Variants in ACY1 observed in about 807,000 individuals in gnomAD.
ACY1 encodes the protein aminoacylase-1.
Under a neutral mutation model 53.3 loss-of-function variants are expected in ACY1, and 38 were observed. That is an observed-to-expected ratio of 0.71 (90% CI 0.55 to 0.93). The LOEUF (loss-of-function observed/expected upper bound fraction) is 0.93, where lower values mean the gene tolerates loss of function less well. Among genes scored for constraint, ACY1 ranks in the 40% least tolerant of loss-of-function variants. The pLI is 0.00. For missense variants in ACY1, 484 were observed against 540.9 expected (o/e 0.89, Z 1.04); for synonymous variants, 177 against 202.1 (o/e 0.88, Z 1.05).
chr3:51,986,035 A>C, intron 5 of ACY1, 89 bp downstream of exon 5: 2 of 1,317,782 alleles, frequency 1.5e-6, no homozygotes, highest in East Asian at 2.5e-5. Context: ...GGAGAAACTC[A>C]AGGCCAAGGA....
chr3:51,983,913 C>T lies in ACY1; in HGVS notation c.-18-134C>T. The T allele has an allele frequency of 4.2e-6, 3 of 708,528 alleles. No homozygotes were observed. The East Asian group carries it at 8.1e-5, about 19-fold the overall frequency. 43.9% of individuals were successfully genotyped at this position (708,528 alleles called of 1,614,324 possible). On this transcript the variant is annotated intron_variant, in intron 1 of 14. Transcript: ENST00000636358. ...AGCGCCTGAAACAGAATGGGTGCTC[C>T]TTAATGGGGGCTCCGAAACACGGTA...
chr3:51,984,840 GAA>G (rs1221979628), intron 2 of ACY1: 4 of 211,986 alleles, frequency 1.9e-5, no homozygotes, highest in South Asian at 1.8e-4. Context: ...AAAAGGAAAA[GAA>G]AAAAAAAAAA....
chr3:51,984,236 T>A, intron 2 of ACY1, 78 bp downstream of exon 2: 2 of 1,367,102 alleles, frequency 1.5e-6, no homozygotes, highest in Non-Finnish European at 2.1e-6. Context: ...CTCCAACCCC[T>A]GTCACCCAGC....
intron 2 of ACY1, chr3:51,984,652 A>G (rs780928230): frequency 1.9e-5 from 5 of 264,802 alleles, no homozygotes; most frequent in African/African-American, 4.5e-5. Context: ...CTGTCTCTAC[A>G]GAAAAAATAC....
Position 51,987,428 on chromosome 3 carries a change from G to A in ACY1, c.827G>A (p.Arg276His), listed in dbSNP as rs753158294. 1.4e-5 allele frequency: 22 copies of A among 1,614,036 alleles called. No individual in the cohort carries two copies. The highest frequency in any genetic ancestry group is 1.6e-4 in the Middle Eastern group (1 of 6,084). ...PATMSASFDF[R>H]VAPDVDFKAF... ...ACCATGAGCGCCAGCTTTGACTTCC[G>A]TGTGGCACCGGATGTGGACTTCAAG... is the stretch of plus-strand genomic sequence containing the variant. The change falls in exon 11 of 15, where the codon CGT becomes CAT. Residue 276 changes from arginine (R) to histidine (H), a missense_variant. Physicochemically the swap from Arg to His is conservative, Grantham distance 29 (BLOSUM62 0). Transcript: ENST00000636358.
chr3:51,984,293 A>G, intron 2 of ACY1, 135 bp downstream of exon 2: 2 of 783,218 alleles, frequency 2.6e-6, no homozygotes, highest in Admixed American at 2.0e-5. Context: ...CCCTCCAGCC[A>G]TTCCCCAAGT....
In ACY1 at chr3:51,985,910, C is replaced by T. The variant is rs1336814922; in HGVS notation, c.323C>T (p.Ala108Val). ...AAGGATTCTGAGGGCTACATCTATG[C>T]CAGGGGTGCCCAGGACATGAAGTGC... Reference protein sequence around the residue: ...AFKDSEGYIYARGAQDMKCVS... With the variant: ...AFKDSEGYIYVRGAQDMKCVS... The change falls in exon 5 of 15, where the codon GCC (alanine) becomes GTC (valine). Residue 108 changes from alanine to valine, a missense_variant. By Grantham distance (64) the Ala-to-Val change is moderately conservative. Coordinates refer to ENST00000636358, the MANE Select transcript of ACY1 (RefSeq NM_000666.3). 1 of 1,613,104 alleles carries T rather than the reference C, an allele frequency of 6.2e-7. No individual in the cohort carries two copies.
chr3:51,984,600 G>T, intron 2 of ACY1: 1 of 308,026 alleles, frequency 3.2e-6, no homozygotes, highest in Non-Finnish European at 6.3e-6. Flanking sequence ...AGATTGCTTG[G>T]GCCCAGGAGT....
chr3:51,986,125 C>A, intron 5 of ACY1, 130 bp from the exon 6 acceptor site: 1 of 1,115,180 alleles, frequency 9.0e-7, no homozygotes, highest in Non-Finnish European at 1.3e-6. Flanking sequence ...GGGGCAGGGA[C>A]TTTCTGGAGT....
chr3:51,984,139 C>T lies in ACY1; in HGVS notation c.75C>T (p.Val25=), dbSNP rs1432839104. Residue 25 remains valine, a synonymous_variant, in exon 2 of 15, where the codon GTC becomes GTT. Transcript: ENST00000636358. Reference sequence around the variant, plus strand: ...GCCAGTACCTGCGTATCCGCACTGTCCAGCCCAAGCCTGACTATGGTGAGA... The same window carrying T: ...GCCAGTACCTGCGTATCCGCACTGTTCAGCCCAAGCCTGACTATGGTGAGA... ...LFRQYLRIRT[V]QPKPDYGAAV... The T allele has an allele frequency of 1.5e-5, 25 of 1,613,848 alleles. No homozygotes were observed. The highest frequency in any genetic ancestry group is 1.8e-5 in the Non-Finnish European group (21 of 1,180,020).
rs758400211 is a variant in ACY1, at chr3:51,987,052, A to G, written c.648A>G (p.Ala216=). The change falls in exon 9 of 15, where the codon GCA becomes GCG. Residue 216 remains alanine (A), a synonymous_variant. Coordinates refer to ENST00000636358, the MANE Select transcript of ACY1 (RefSeq NM_000666.3). ...HASRFMEDTA[A]EKLHKVVNSI... ...CACGCTTCATGGAGGACACAGCAGCAGAGAAGCTGGTACGTGGCACCCCAG... is the reference window on the plus strand; with the variant it reads ...CACGCTTCATGGAGGACACAGCAGCGGAGAAGCTGGTACGTGGCACCCCAG... 6.2e-7 allele frequency: 1 copy of G among 1,613,924 alleles called. No homozygotes were observed. Among genetic ancestry groups the G allele is most frequent in the Admixed American group, 1.7e-5 (1 of 60,030 alleles).
chr3:51,987,790 G>A, intron 12 of ACY1, 166 bp downstream of exon 12: 1 of 730,678 alleles, frequency 1.4e-6, no homozygotes, highest in Non-Finnish European at 2.3e-6. Flanking sequence ...CACTGTGGGT[G>A]CTGGGGAATG....
chr3:51,988,948 G>C lies in ACY1; in HGVS notation c.1100G>C (p.Arg367Pro). The C allele has an allele frequency of 6.2e-7, 1 of 1,614,142 alleles. No individual in the cohort carries two copies. The highest frequency in any genetic ancestry group is 1.3e-5 in the African/African-American group (1 of 75,022). Residue 367 changes from arginine (R) to proline (P), a missense_variant, in exon 15 of 15, where the codon CGC (arginine) becomes CCC (proline). Arg to Pro is a moderately radical substitution (Grantham distance 103). Coordinates refer to ENST00000636358, the MANE Select transcript of ACY1 (RefSeq NM_000666.3). ...GCTCTAGGCTTCTCACCCATGAACCGCACACCTGTGCTGCTGCACGACCAC... is the reference window on the plus strand; with the variant it reads ...GCTCTAGGCTTCTCACCCATGAACCCCACACCTGTGCTGCTGCACGACCAC... ...VPALGFSPMN[R>P]TPVLLHDHDE... is the part of the protein sequence containing the mutation.
At chr3:51,988,182 C>A in intron 12 of ACY1, 1 of 424,868 alleles carries the variant, frequency 2.4e-6, no homozygotes. Flanking sequence ...TCATATAACC[C>A]ATGTGGTACA....
At chr3:51,985,121 T>C in intron 2 of ACY1, 86 bp from the exon 3 acceptor site, 1 of 1,359,484 alleles carries the variant, frequency 7.4e-7, no homozygotes, top group Non-Finnish European at 1.0e-6. Context: ...AGCCCATTTC[T>C]GGGTATGCTC....
intron 4 of ACY1, 143 bp downstream of exon 4, chr3:51,985,608 C>A: frequency 1.2e-6 from 1 of 844,478 alleles, no homozygotes; most frequent in Non-Finnish European, 1.9e-6. Context: ...TTACACCACT[C>A]AAGCAGCCTT....
intron 12 of ACY1, 196 bp downstream of exon 12, chr3:51,987,820 G>C: frequency 3.3e-6 from 2 of 614,214 alleles, no homozygotes; most frequent in Non-Finnish European, 5.7e-6. Context: ...GTAAAATTAG[G>C]CACAGTTCAT....
intron 2 of ACY1, chr3:51,984,979 T>G (rs1292658117): frequency 1.7e-6 from 1 of 598,736 alleles, no homozygotes; most frequent in Non-Finnish European, 3.0e-6. Context: ...AGATAACACC[T>G]TCCTCCAACC....
Position 51,984,115 on chromosome 3 carries a change from C to T in ACY1, c.51C>T (p.Arg17=). Reference sequence around the variant, plus strand: ...AGCACCCATCGGTGACGCTCTTCCGCCAGTACCTGCGTATCCGCACTGTCC... The same window carrying T: ...AGCACCCATCGGTGACGCTCTTCCGTCAGTACCTGCGTATCCGCACTGTCC... ...EEEHPSVTLF[R]QYLRIRTVQP... Residue 17 remains arginine (R), a synonymous_variant, in exon 2 of 15, where the codon CGC becomes CGT. Transcript: ENST00000636358. 6.2e-7 allele frequency: 1 copy of T among 1,613,948 alleles called. No homozygotes were observed. Among genetic ancestry groups the T allele is most frequent in the Non-Finnish European group, 8.5e-7 (1 of 1,180,042 alleles).
Sources: allele counts gnomAD v4.1 joint callset, GRCh38; gene constraint gnomAD v4.1.1; transcripts MANE v1.5; gene names NCBI Gene and HGNC (gene_info 2026-07-23, HGNC 2026-07-21).